CCDC171: variants seen among roughly 807,000 people sequenced by gnomAD.
The protein encoded by CCDC171 is coiled-coil domain-containing protein 171.
CCDC171 carries 177 observed loss-of-function variants against 168.2 expected under a neutral mutation model. The ratio of observed to expected loss-of-function variants is 1.05; its 90% confidence interval spans 0.93 to 1.19. CCDC171 has a LOEUF of 1.19. Among genes scored for constraint, CCDC171 ranks in the 50% most tolerant of loss-of-function variants. The pLI, the probability that CCDC171 is intolerant of heterozygous loss-of-function variation, is 0.00. For synonymous variants in CCDC171, 687 were observed against 540.8 expected, an observed-to-expected ratio of 1.27 and a Z score of -3.75; for missense variants, 1,991 against 1,539.0, an observed-to-expected ratio of 1.29 and a Z score of -4.91.
At chr9:15,665,290 A>C (rs1206371760) in intron 8 of CCDC171, among the ~76,000 whole-genome samples, 1 of 152,164 alleles carries the variant, frequency 6.6e-6, no homozygotes, top group African/African-American at 2.4e-5. Context: ...CCTCCAGACT[A>C]TTTTGAAGTA....
chr9:15,918,512 A>G (rs545191440), intron 24 of CCDC171, among the ~76,000 whole-genome samples: 1 of 151,620 alleles, frequency 6.6e-6, no homozygotes, highest in East Asian at 1.9e-4. Flanking sequence ...ATTGAGAGAG[A>G]CTTGACATAG....
At position 15,991,246 on chromosome 9, in the gene CCDC171, G is replaced by A. The variant is rs554756377; in HGVS notation, n.369-29343G>A. ...AAATTATAAACTCAGACCACAGTGC[G>A]ATCAAACTAGAACTCAGGATTAAGA... is the stretch of plus-strand genomic sequence containing the variant. On this transcript the variant is annotated intron_variant and non_coding_transcript_variant, in intron 3 of 9. Transcript: ENST00000486641. Among the ~76,000 whole-genome samples, 20 of 152,132 alleles carry A rather than the reference G, an allele frequency of 1.3e-4. No individual in the cohort carries two copies. The East Asian group carries it at 2.3e-3, about 18-fold the overall frequency.
intron 19 of CCDC171, 145 bp from the exon 20 acceptor site, chr9:15,778,823 A>T (rs2057493851): frequency 2.0e-6 from 1 of 494,740 alleles, no homozygotes; most frequent in Admixed American, 4.3e-5. Context: ...TCACATAAAA[A>T]ATAAAGTTTT....
chr9:16,054,174 C>A (rs1833796728), intron 1 of CCDC171, among the ~76,000 whole-genome samples: 1 of 152,168 alleles, frequency 6.6e-6, no homozygotes, highest in Admixed American at 6.5e-5. Flanking sequence ...AGCAGCTAGA[C>A]CATGGCCAGA....
chr9:15,907,094 G>T (rs542268147), intron 24 of CCDC171, among the ~76,000 whole-genome samples: 21 of 152,202 alleles, frequency 1.4e-4, no homozygotes, highest in South Asian at 4.1e-4. Context: ...AGGTAATTTA[G>T]AGATTCAATG....
Position 15,721,823 on chromosome 9 carries a change from T to A in CCDC171, c.1373T>A (p.Leu458Ter). 1 of 1,567,644 alleles carries A rather than the reference T, an allele frequency of 6.4e-7. No individual in the cohort carries two copies. Among genetic ancestry groups the A allele is most frequent in the Non-Finnish European group, 8.7e-7 (1 of 1,155,922 alleles). ...AGCTTCTCTGTTGTCCTTGAGAGATTGAGGCGTACCTTGACAGATTACCAG... is the reference window on the plus strand; with the variant it reads ...AGCTTCTCTGTTGTCCTTGAGAGATAGAGGCGTACCTTGACAGATTACCAG... ...PPSFSVVLER[L>*]RRTLTDYQNK... is the part of the protein sequence containing the mutation. The change falls in exon 12 of 26, where the codon TTG becomes TAG. Residue 458 changes from leucine to a stop codon, truncating the protein, a stop_gained. Coordinates refer to ENST00000380701, the MANE Select transcript of CCDC171 (RefSeq NM_173550.4). LOFTEE classifies it high-confidence loss of function.
At chr9:15,801,148 G>T (rs1410722963) in intron 21 of CCDC171, among the ~76,000 whole-genome samples, 1 of 151,796 alleles carries the variant, frequency 6.6e-6, no homozygotes, top group Non-Finnish European at 1.5e-5. Context: ...TTTGTATGAA[G>T]AATGTTATTG....
intron 16 of CCDC171, among the ~76,000 whole-genome samples, chr9:15,741,049 A>C (rs550836070): frequency 6.6e-6 from 1 of 152,318 alleles, no homozygotes; most frequent in Admixed American, 6.5e-5. Context: ...ATGGAATTCT[A>C]AATGGGGTTT....
the CCDC171 span, among the ~76,000 whole-genome samples, chr9:16,095,068 C>T: frequency 3.9e-5 from 6 of 152,254 alleles, no homozygotes; most frequent in Non-Finnish European, 8.8e-5. Context: ...TTCCTGAGGC[C>T]CCCCAGCCAT....
chr9:15,825,422 A>G (rs1244817330), intron 21 of CCDC171, among the ~76,000 whole-genome samples: 2 of 152,162 alleles, frequency 1.3e-5, no homozygotes, highest in African/African-American at 4.8e-5. Context: ...TGGATGCTTT[A>G]CATACGTTCT....
intron 25 of CCDC171, among the ~76,000 whole-genome samples, chr9:15,948,985 G>T (rs972776435): frequency 2.0e-5 from 3 of 152,112 alleles, no homozygotes; most frequent in African/African-American, 7.2e-5. Flanking sequence ...AATCCATCTC[G>T]AATTGATTTT....
intron 21 of CCDC171, among the ~76,000 whole-genome samples, chr9:15,826,252 AATT>A: frequency 1.3e-5 from 2 of 152,214 alleles, no homozygotes; most frequent in Admixed American, 1.3e-4. Flanking sequence ...TATAATAAAC[AATT>A]ATTTAAGTTC....
At chr9:15,758,250 A>G (rs1370046900) in intron 18 of CCDC171, among the ~76,000 whole-genome samples, 1 of 152,174 alleles carries the variant, frequency 6.6e-6, no homozygotes, top group African/African-American at 2.4e-5. Flanking sequence ...GACCATGGGA[A>G]CCCACTTCTT....
chr9:15,832,868 T>G (rs879475870), intron 21 of CCDC171, among the ~76,000 whole-genome samples: 6 of 152,126 alleles, frequency 3.9e-5, no homozygotes, highest in Admixed American at 3.9e-4. Flanking sequence ...TTTTAACGTT[T>G]AAAACTTTTT....
rs3082839 is a variant in CCDC171 at position 15,793,551 on chromosome 9, G to GTTTTTTTTTTTTTTTTTTTTTTTT, written c.3267+8863_3267+8886dup. On this transcript the variant is annotated intron_variant, in intron 21 of 25. Transcript: ENST00000380701. ...AGCACCACATCGCACTTATTCCAAG[G>GTTTTTTTTTTTTTTTTTTTTTTTT]TTTTTTTTTTTTTTTTTTTTTTTTT... Among the ~76,000 whole-genome samples the GTTTTTTTTTTTTTTTTTTTTTTTT allele has an allele frequency of 2.6e-5, 2 of 77,056 alleles. 1 individual carries two copies. Among genetic ancestry groups the GTTTTTTTTTTTTTTTTTTTTTTTT allele is most frequent in the African/African-American group, 1.3e-4 (2 of 15,522 alleles). 50.6% of individuals were successfully genotyped at this position (77,056 alleles called of 152,430 possible).
chr9:15,612,548 A>G (rs1181726612), intron 6 of CCDC171, among the ~76,000 whole-genome samples: 2 of 152,046 alleles, frequency 1.3e-5, no homozygotes, highest in Non-Finnish European at 2.9e-5. Context: ...TTCATCTCAT[A>G]TTTGAATTCT....
intron 7 of CCDC171, among the ~76,000 whole-genome samples, chr9:15,636,023 A>T (rs1319014242): frequency 6.6e-6 from 1 of 152,098 alleles, no homozygotes; most frequent in Non-Finnish European, 1.5e-5. Context: ...TTTGATTTGC[A>T]TTTCTCTGAT....
chr9:15,641,583 C>CT (rs371810860), intron 7 of CCDC171, among the ~76,000 whole-genome samples: 16 of 152,242 alleles, frequency 1.1e-4, no homozygotes, highest in African/African-American at 3.9e-4. Context: ...GAGTCTTCAG[C>CT]TCATTCCTGG....
chr9:15,661,259 G>T (rs1020077352), intron 8 of CCDC171, among the ~76,000 whole-genome samples: 2 of 135,314 alleles, frequency 1.5e-5, no homozygotes, highest in East Asian at 4.1e-4. Flanking sequence ...CAGCCTGGGC[G>T]ACAGAGCGAG....
Sources: allele counts gnomAD v4.1 joint callset (sites outside exome capture counted in the v4.1 genomes callset), GRCh38; gene constraint gnomAD v4.1.1; transcripts MANE v1.5; gene names NCBI Gene and HGNC (gene_info 2026-07-23, HGNC 2026-07-21).